STK25: variants seen among roughly 807,000 people sequenced by gnomAD.
STK25 encodes serine/threonine-protein kinase 25.
A neutral mutation model predicts 53.8 loss-of-function variants in STK25; 29 were observed. That is an observed-to-expected ratio of 0.54 (90% CI 0.40 to 0.74). The LOEUF (loss-of-function observed/expected upper bound fraction) is 0.74, where lower values mean the gene tolerates loss of function less well. Ranked by LOEUF, STK25 falls within the 30% of genes least tolerant of loss-of-function variation. STK25 has a pLI of 0.00. For synonymous variants in STK25, 247 were observed against 238.3 expected, an observed-to-expected ratio of 1.04 and a Z score of -0.33; for missense variants, 420 against 568.0, an observed-to-expected ratio of 0.74 and a Z score of 2.65.
In STK25 at chr2:241,498,136, C is replaced by A. The variant is rs1219339531; in HGVS notation, c.1032+99G>T. The A allele has an allele frequency of 5.1e-6, 6 of 1,181,406 alleles. No individual in the cohort carries two copies. The African/African-American group carries it at 9.0e-5, about 18-fold the overall frequency. The allele number at this position is 1,181,406 out of a possible 1,614,324, so 73.2% of individuals were successfully genotyped here. A position where few individuals can be genotyped will look rare whatever the true frequency, so the allele number is the denominator to read the frequency against. ...CCCTGCCTTTCCCAAGCTCCTTGTC[C>A]AAGCTCCAGACACTGGGTGGACAAA... is the stretch of plus-strand genomic sequence containing the variant. On this transcript the variant is annotated intron_variant, in intron 9 of 11. Transcript: ENST00000316586.
At chr2:241,500,981 A>G (rs1217649848) in intron 3 of STK25, 185 bp from the exon 4 acceptor site, 3 of 613,230 alleles carry the variant, frequency 4.9e-6, no homozygotes, top group African/African-American at 3.7e-5. Context: ...CTACTGCTAC[A>G]GATGCTCAGA....
At chr2:241,495,950 G>A (rs987409844) in intron 11 of STK25, among the ~76,000 whole-genome samples, 2 of 152,276 alleles carry the variant, frequency 1.3e-5, no homozygotes, top group African/African-American at 4.8e-5. Flanking sequence ...ATCTGCCGGC[G>A]GCATGGCGGT....
chr2:241,498,813 C>T, intron 7 of STK25, 29 bp from the exon 8 acceptor site: 3 of 1,612,860 alleles, frequency 1.9e-6, no homozygotes, highest in South Asian at 1.1e-5. Flanking sequence ...ACACTAGTCA[C>T]TGGGCCCAGC....
intron 3 of STK25, 146 bp from the exon 4 acceptor site, chr2:241,500,942 G>A (rs751159508): frequency 2.9e-5 from 21 of 719,868 alleles, no homozygotes; most frequent in African/African-American, 3.6e-5. Context: ...GGGCTCTCTC[G>A]GCCTTGCCCA....
intron 1 of STK25, 25 bp downstream of exon 1, chr2:241,508,418 G>T: frequency 9.5e-7 from 1 of 1,057,960 alleles, no homozygotes; most frequent in South Asian, 2.7e-5. Flanking sequence ...ATCGCCGCAA[G>T]CGCCCCGCCC....
chr2:241,496,269 T>C lies in STK25; in HGVS notation c.1241+129A>G. 2 of 1,197,242 alleles carry C rather than the reference T, an allele frequency of 1.7e-6. No homozygotes were observed. The highest frequency in any genetic ancestry group is 1.5e-5 in the African/African-American group (1 of 66,220). The allele number at this position is 1,197,242 out of a possible 1,614,324, so 74.2% of individuals were successfully genotyped here. A position where few individuals can be genotyped will look rare whatever the true frequency, so the allele number is the denominator to read the frequency against. ...AAGGAAGAGGATGCCACGCCGCGCC[T>C]TCCCAGAGTGAAGCGAGCCCATGTA... On this transcript the variant is annotated intron_variant, in intron 11 of 11. Transcript: ENST00000316586. This position sits in a 1 kb window ranked among gnomAD's most constrained non-coding sequence, Gnocchi z 5.8.
chr2:241,493,180 C>A lies in STK25; in HGVS notation c.*2482G>T. 7.6e-7 allele frequency: 1 copy of A among 1,312,418 alleles called. No individual in the cohort carries two copies. The allele number at this position is 1,312,418 out of a possible 1,614,324, so 81.3% of individuals were successfully genotyped here. On this transcript the variant is annotated 3_prime_UTR_variant, in exon 12 of 12. Coordinates refer to ENST00000316586, the MANE Select transcript of STK25 (RefSeq NM_001271977.2). Reference sequence around the variant, plus strand: ...TGTGCTGTGTGAACAGGGAAACTGGCTCCCTTGGCCCGTGGGCATTTGTAC... The same window carrying A: ...TGTGCTGTGTGAACAGGGAAACTGGATCCCTTGGCCCGTGGGCATTTGTAC...
rs1230517348 is a variant in STK25, at chr2:241,500,745, C to T, written c.313G>A (p.Asp105Asn). Residue 105 changes from aspartate to asparagine, a missense_variant, in exon 4 of 12, where the codon GAC becomes AAC. Transcript: ENST00000316586. ...TGCCATGGCCTATGCCTCACCAAGT[C>T]CAGTGCTGAGCCGCCGCCCAGGTAC... ...MEYLGGGSAL[D>N]LLKPGPLEET... 1 of 1,613,944 alleles carries T rather than the reference C, an allele frequency of 6.2e-7. No individual in the cohort carries two copies. Among genetic ancestry groups the T allele is most frequent in the Non-Finnish European group, 8.5e-7 (1 of 1,179,966 alleles).
Position 241,501,073 on chromosome 2 carries a change from C to CA in STK25, c.262-278dup, listed in dbSNP as rs1315379446. On this transcript the variant is annotated intron_variant, in intron 3 of 11. Transcript: ENST00000316586. The surrounding 1 kb of genome is among the most constrained non-coding windows in gnomAD (Gnocchi z 5.3). ...AAACCAGGCTGCTGATCCAGTCCTA[C>CA]AGGGCTGGGAAGAGGGCATGGCTGG... 11 of 574,154 alleles carry CA rather than the reference C, an allele frequency of 1.9e-5. No individual in the cohort carries two copies. In the East Asian group the frequency reaches 2.9e-4, roughly 15 times the overall value. 35.6% of individuals were successfully genotyped at this position (574,154 alleles called of 1,614,324 possible).
rs145352184 is a variant in STK25 at position 241,494,119 on chromosome 2, G to A, written c.*1543C>T. Reference sequence around the variant, plus strand: ...TGGAGGGGATGGTCAGGGGGAAGGAGGAATGACGCTCAACCTGCCCAGGTT... The same window carrying A: ...TGGAGGGGATGGTCAGGGGGAAGGAAGAATGACGCTCAACCTGCCCAGGTT... On this transcript the variant is annotated 3_prime_UTR_variant, in exon 12 of 12. Coordinates refer to ENST00000316586, the MANE Select transcript of STK25 (RefSeq NM_001271977.2). The surrounding 1 kb of genome is among the most constrained non-coding windows in gnomAD (Gnocchi z 4.9). The A allele has an allele frequency of 3.5e-4, 519 of 1,476,146 alleles. 4 individuals are homozygous for A. Among genetic ancestry groups the A allele is most frequent in the Non-Finnish European group, 5.9e-5 (66 of 1,120,180 alleles). The allele number at this position is 1,476,146 out of a possible 1,614,324, so 91.4% of individuals were successfully genotyped here.
chr2:241,506,791 T>C (rs2125009282), intron 2 of STK25, among the ~76,000 whole-genome samples: 1 of 152,178 alleles, frequency 6.6e-6, no homozygotes, highest in East Asian at 1.9e-4. Flanking sequence ...TAAAGTAAAA[T>C]AAACTGGTGG....
intron 5 of STK25, 119 bp from the exon 6 acceptor site, chr2:241,499,533 CA>C: frequency 7.5e-7 from 1 of 1,327,694 alleles, no homozygotes; most frequent in South Asian, 1.5e-5. Flanking sequence ...GGGCTGTCCT[CA>C]GGACCTCAGC....
At position 241,493,736 on chromosome 2, in the gene STK25, A is replaced by G; in HGVS notation, c.*1926T>C. The G allele has an allele frequency of 2.0e-6, 1 of 496,416 alleles. No homozygotes were observed. Among genetic ancestry groups the G allele is most frequent in the Non-Finnish European group, 3.6e-6 (1 of 279,556 alleles). 30.8% of individuals were successfully genotyped at this position (496,416 alleles called of 1,614,324 possible). ...CAGCCTCCTGAGTAACTGAGATTAC[A>G]GGCATGCACGCCACGCCGCCTGGCT... On this transcript the variant is annotated 3_prime_UTR_variant, in exon 12 of 12. Transcript: ENST00000316586.
chr2:241,499,464 A>G (rs1333991856), intron 5 of STK25, 50 bp from the exon 6 acceptor site: 2 of 1,585,642 alleles, frequency 1.3e-6, no homozygotes, highest in South Asian at 1.2e-5. Flanking sequence ...ACGTGGCTCC[A>G]CCCCGGGCCC....
chr2:241,500,642 A>C lies in STK25; in HGVS notation c.318+98T>G, dbSNP rs1236364013. On this transcript the variant is annotated intron_variant, in intron 4 of 11. Transcript: ENST00000316586. ...ATTCCTAATTAACACCTAACGTGCC[A>C]TGACACCAAACGAGAGGTGGCCCCT... The C allele has an allele frequency of 2.4e-6, 3 of 1,253,542 alleles. No homozygotes were observed. The Admixed American group carries it at 6.3e-5, about 26-fold the overall frequency. 77.7% of individuals were successfully genotyped at this position (1,253,542 alleles called of 1,614,324 possible).
chr2:241,493,375 A>G lies in STK25; in HGVS notation c.*2287T>C, dbSNP rs773835676. 9 of 1,613,858 alleles carry G rather than the reference A, an allele frequency of 5.6e-6. No homozygotes were observed. The highest frequency in any genetic ancestry group is 2.2e-5 in the East Asian group (1 of 44,902). On this transcript the variant is annotated 3_prime_UTR_variant, in exon 12 of 12. Transcript: ENST00000316586. ...GAGGCCGATGGCATACACAAAGACT[A>G]TGTTTTCAAGCTCCAGTTCAAATCC...
Position 241,501,562 on chromosome 2 carries a change from C to G in STK25, c.177G>C (p.Glu59Asp). Residue 59 changes from glutamate (E) to aspartate (D), a missense_variant, in exon 3 of 12, where the codon GAG becomes GAC. Coordinates refer to ENST00000316586, the MANE Select transcript of STK25 (RefSeq NM_001271977.2). This position sits in a 1 kb window ranked among gnomAD's most constrained non-coding sequence, Gnocchi z 5.3. ...KIIDLEEAED[E>D]IEDIQQEITV... ...TGATCTCCTGCTGGATGTCCTCGAT[C>G]TCATCCTCGGCCTCCTCCAGGTCGA... 6.2e-7 allele frequency: 1 copy of G among 1,614,158 alleles called. No homozygotes were observed. The highest frequency in any genetic ancestry group is 1.3e-5 in the African/African-American group (1 of 75,068).
rs769363137 is a variant in STK25, at chr2:241,497,603, G to C, written c.1104+13C>G. 4 of 1,613,134 alleles carry C rather than the reference G, an allele frequency of 2.5e-6. No homozygotes were observed. In the African/African-American group the frequency reaches 5.3e-5, roughly 22 times the overall value. ...TGACGGGACTCCAGGCCCAGTCCCA[G>C]CCCCATCCTCACCTCTCCGAAGACG... On this transcript the variant is annotated intron_variant, in intron 10 of 11. Transcript: ENST00000316586.
chr2:241,495,798 A>C (rs2065115704), intron 11 of STK25, 97 bp from the exon 12 acceptor site: 27 of 1,271,404 alleles, frequency 2.1e-5, no homozygotes, highest in Non-Finnish European at 2.3e-6. Context: ...AGCCCTGACA[A>C]GCCACCGCAC....
Sources: gnomAD v4.1 joint callset for allele counts (sites outside exome capture counted in the v4.1 genomes callset) on GRCh38, gnomAD v4.1.1 for gene constraint, Gnocchi (gnomAD v3.1) non-coding constraint, MANE v1.5 for transcripts, NCBI Gene and HGNC (gene_info 2026-07-23, HGNC 2026-07-21) for gene names.